Variants in ZNF471 observed in about 807,000 individuals in gnomAD.
The protein encoded by ZNF471 is zinc finger protein 471.
Under a neutral mutation model 13.7 loss-of-function variants are expected in ZNF471, and 7 were observed. That is an observed-to-expected ratio of 0.51 (90% CI 0.29 to 0.96). ZNF471 has a LOEUF of 0.96. Ranked by LOEUF, ZNF471 falls within the 40% of genes least tolerant of loss-of-function variation. ZNF471 has a pLI of 0.08. For missense variants in ZNF471, 663 were observed against 743.3 expected (o/e 0.89, Z 1.26); for synonymous variants, 218 against 235.6 (o/e 0.93, Z 0.68).
intron 3 of ZNF471, among the ~76,000 whole-genome samples, chr19:56,517,298 ATTTTTTTTTT>A (rs57499065): frequency 1.0e-5 from 1 of 100,414 alleles, no homozygotes; most frequent in Non-Finnish European, 1.9e-5. Flanking sequence ...CACCCAGCTA[ATTTTTTTTTT>A]TTTTTTTTTT....
At position 56,525,784 on chromosome 19, in the gene ZNF471, T is replaced by C. The variant is rs1287569696; in HGVS notation, c.1717T>C (p.Cys573Arg). Residue 573 changes from cysteine to arginine, a missense_variant, in exon 5 of 5, where the codon TGT becomes CGT. Physicochemically the swap from Cys to Arg is radical, Grantham distance 180. Coordinates refer to ENST00000308031, the MANE Select transcript of ZNF471 (RefSeq NM_020813.4). ...TCATACTGGAGAGAAACCCTATAAA[T>C]GTACTGAATGTGGAAAGGCTTTTAG... Reference protein sequence around the residue: ...RIHTGEKPYKCTECGKAFSDS... With the variant: ...RIHTGEKPYKRTECGKAFSDS... The C allele has an allele frequency of 6.2e-7, 1 of 1,614,138 alleles. No homozygotes were observed. Among genetic ancestry groups the C allele is most frequent in the Non-Finnish European group, 8.5e-7 (1 of 1,180,016 alleles).
rs2043986460 is a variant in ZNF471, at chr19:56,522,445, A to G, written c.257-1879A>G. ...TTTTTTGTTGGTCTTGTCTTCCTAA[A>G]TTACTTTCTAAACTTTTCAAGAACA... On this transcript the variant is annotated intron_variant, in intron 4 of 4. Transcript: ENST00000308031. The surrounding 1 kb of genome is among the most constrained non-coding windows in gnomAD (Gnocchi z 4.1). Among the ~76,000 whole-genome samples, 1 of 152,196 alleles carries G rather than the reference A, an allele frequency of 6.6e-6. No individual in the cohort carries two copies. The highest frequency in any genetic ancestry group is 2.4e-5 in the African/African-American group (1 of 41,442).
rs967277593 is a variant in ZNF471, at chr19:56,529,420, G to A, written c.*3472G>A. 6.6e-6 allele frequency: 1 copy of A among 152,142 alleles called. No homozygotes were observed. Among genetic ancestry groups the A allele is most frequent in the Non-Finnish European group, 1.5e-5 (1 of 68,040 alleles). 9.4% of individuals were successfully genotyped at this position (152,142 alleles called of 1,614,324 possible). A position where few individuals can be genotyped will look rare whatever the true frequency, so the allele number is the denominator to read the frequency against. On this transcript the variant is annotated 3_prime_UTR_variant, in exon 5 of 5. Transcript: ENST00000308031. ...GAGTATTTCTGTGCCTTTAGGTTCA[G>A]GAGGTCTTTGATAAGCAGGACAAGG...
In ZNF471 at chr19:56,524,832, A is replaced by C. The variant is rs1600523215; in HGVS notation, c.765A>C (p.Thr255=). 9 of 1,612,742 alleles carry C rather than the reference A, an allele frequency of 5.6e-6. No individual in the cohort carries two copies. In the East Asian group the frequency reaches 2.0e-4, roughly 36 times the overall value. Residue 255 remains threonine (T), a synonymous_variant, in exon 5 of 5, where the codon ACA becomes ACC. Transcript: ENST00000308031. The surrounding 1 kb of genome is among the most constrained non-coding windows in gnomAD (Gnocchi z 4.8). The stretch of plus-strand genomic sequence containing the variant: ...AACACCTTGCTCAACATCACAGAAC[A>C]CATACTGGAGAGAAACTCTTTGAAT... ...QRQHLAQHHR[T]HTGEKLFECK...
chr19:56,510,568 C>T lies in ZNF471; in HGVS notation c.-55-949C>T. On this transcript the variant is annotated intron_variant, in intron 1 of 4. Transcript: ENST00000308031. The surrounding 1 kb of genome is among the most constrained non-coding windows in gnomAD (Gnocchi z 4.3). Reference sequence around the variant, plus strand: ...GTGTGCTTATATTCATGTCCTCAGGCAATGGAAATGTGACTGTGTATATGT... The same window carrying T: ...GTGTGCTTATATTCATGTCCTCAGGTAATGGAAATGTGACTGTGTATATGT... 1 of 985,584 alleles carries T rather than the reference C, an allele frequency of 1.0e-6. No individual in the cohort carries two copies. Among genetic ancestry groups the T allele is most frequent in the Non-Finnish European group, 1.2e-6 (1 of 829,964 alleles). The allele number at this position is 985,584 out of a possible 1,614,324, so 61.1% of individuals were successfully genotyped here. A position where few individuals can be genotyped will look rare whatever the true frequency, so the allele number is the denominator to read the frequency against.
chr19:56,509,385 C>A (rs12978999), intron 1 of ZNF471, among the ~76,000 whole-genome samples: 35,843 of 152,208 alleles, frequency 0.24, 4,436 homozygotes, highest in Middle Eastern at 0.26. Context: ...TCTTCACCTG[C>A]ATCCTTTGTA....
At chr19:56,509,581 C>T (rs1457560689) in intron 1 of ZNF471, among the ~76,000 whole-genome samples, 1 of 152,168 alleles carries the variant, frequency 6.6e-6, no homozygotes, top group Non-Finnish European at 1.5e-5. Context: ...AGCCCTCAAC[C>T]TGTGGGATCT....
At position 56,528,317 on chromosome 19, in the gene ZNF471, A is replaced by T. The variant is rs2044071700; in HGVS notation, c.*2369A>T. On this transcript the variant is annotated 3_prime_UTR_variant, in exon 5 of 5. Coordinates refer to ENST00000308031, the MANE Select transcript of ZNF471 (RefSeq NM_020813.4). ...CTAAGTGCTTAGTAAATGTTAGATAAGTATTCTCCAGAATTGATGTAAATT... is the reference window on the plus strand; with the variant it reads ...CTAAGTGCTTAGTAAATGTTAGATATGTATTCTCCAGAATTGATGTAAATT... The T allele has an allele frequency of 6.6e-6, 1 of 152,228 alleles. No homozygotes were observed. Among genetic ancestry groups the T allele is most frequent in the Admixed American group, 6.5e-5 (1 of 15,288 alleles). The allele number at this position is 152,228 out of a possible 1,614,324, so 9.4% of individuals were successfully genotyped here. A position where few individuals can be genotyped will look rare whatever the true frequency, so the allele number is the denominator to read the frequency against.
At chr19:56,521,536 G>A (rs557125743) in intron 4 of ZNF471, among the ~76,000 whole-genome samples, 15 of 149,194 alleles carry the variant, frequency 1.0e-4, no homozygotes, top group African/African-American at 3.0e-4. Context: ...CTACTCGAGA[G>A]GCTGAGGCAG....
In ZNF471 at chr19:56,522,098, A is replaced by C. The variant is rs1350526888; in HGVS notation, c.257-2226A>C. On this transcript the variant is annotated intron_variant, in intron 4 of 4. Transcript: ENST00000308031. The surrounding 1 kb of genome is among the most constrained non-coding windows in gnomAD (Gnocchi z 4.1). ...GCTTGTAGACCAGGAGCAGTAGGCC[A>C]TATAGCCTAAGTGTGCAGCAGGCTA... 6.6e-6 allele frequency among the ~76,000 whole-genome samples: 1 copy of C among 152,226 alleles called. No individual in the cohort carries two copies. The highest frequency in any genetic ancestry group is 2.1e-4 in the South Asian group (1 of 4,828).
At position 56,525,160 on chromosome 19, in the gene ZNF471, T is replaced by TG; in HGVS notation, c.1095dup (p.Arg366GlufsTer11). On this transcript the variant is annotated frameshift_variant, in exon 5 of 5. Transcript: ENST00000308031. LOFTEE classifies it low-confidence loss of function (END_TRUNC). Reference sequence around the variant, plus strand: ...GTATAACACATCTTTTATTCGTCACTGGAGGAGTTATCATACTGGAGAGAA... The same window carrying TG: ...GTATAACACATCTTTTATTCGTCACTGGGAGGAGTTATCATACTGGAGAGAA... 6.2e-7 allele frequency: 1 copy of TG among 1,614,160 alleles called. No homozygotes were observed. Among genetic ancestry groups the TG allele is most frequent in the Non-Finnish European group, 8.5e-7 (1 of 1,180,006 alleles).
rs577100644 is a variant in ZNF471, at chr19:56,529,458, G to A, written c.*3510G>A. ...AAGCAGGACAAGGTCCAGAAGCCAT[G>A]AAGAGAGAATGACAGGACTGTGTAG... is the stretch of plus-strand genomic sequence containing the variant. On this transcript the variant is annotated 3_prime_UTR_variant, in exon 5 of 5. Coordinates refer to ENST00000308031, the MANE Select transcript of ZNF471 (RefSeq NM_020813.4). 6.6e-6 allele frequency: 1 copy of A among 152,330 alleles called. No individual in the cohort carries two copies. Among genetic ancestry groups the A allele is most frequent in the South Asian group, 2.1e-4 (1 of 4,822 alleles). 9.4% of individuals were successfully genotyped at this position (152,330 alleles called of 1,614,324 possible). A position where few individuals can be genotyped will look rare whatever the true frequency, so the allele number is the denominator to read the frequency against.
In ZNF471 at chr19:56,508,028, C is replaced by G. The variant is rs1229758422; in HGVS notation, c.-56+108C>G. On this transcript the variant is annotated intron_variant, in intron 1 of 4. Transcript: ENST00000308031. This position sits in a 1 kb window ranked among gnomAD's most constrained non-coding sequence, Gnocchi z 4.7. ...GCGAAGGCCCAGCCGCGTCCTCTGT[C>G]CCCAGGACGACTACATTTCCCAGAG... 1.0e-6 allele frequency: 1 copy of G among 985,556 alleles called. No homozygotes were observed. Among genetic ancestry groups the G allele is most frequent in the African/African-American group, 1.7e-5 (1 of 57,264 alleles). The allele number at this position is 985,556 out of a possible 1,614,324, so 61.1% of individuals were successfully genotyped here.
chr19:56,521,997 G>A (rs2147924069), intron 4 of ZNF471, among the ~76,000 whole-genome samples: 1 of 152,176 alleles, frequency 6.6e-6, no homozygotes, highest in South Asian at 2.1e-4. Flanking sequence ...CCTTCTTTAT[G>A]TTTGTATATG....
At chr19:56,511,472 C>G in intron 1 of ZNF471, 45 bp from the exon 2 acceptor site, 1 of 1,431,122 alleles carries the variant, frequency 7.0e-7, no homozygotes, top group Non-Finnish European at 9.6e-7. Flanking sequence ...TCTGGGAGTG[C>G]AGCATCTCTG....
intron 1 of ZNF471, 63 bp from the exon 2 acceptor site, chr19:56,511,449 TTAGGC>T: frequency 8.0e-7 from 1 of 1,248,574 alleles, no homozygotes; most frequent in Non-Finnish European, 1.1e-6. Context: ...GAAGACAGTT[TTAGGC>T]TAGTGATTCT....
rs769214522 is a variant in ZNF471, at chr19:56,518,549, G to A, written c.228G>A (p.Thr76=). 23 of 1,613,360 alleles carry A rather than the reference G, an allele frequency of 1.4e-5. No individual in the cohort carries two copies. Among genetic ancestry groups the A allele is most frequent in the East Asian group, 4.5e-5 (2 of 44,832 alleles). Residue 76 remains threonine (T), a synonymous_variant, in exon 4 of 5, where the codon ACG becomes ACA. Coordinates refer to ENST00000308031, the MANE Select transcript of ZNF471 (RefSeq NM_020813.4). ...LEQGREPWEM[T]SEMTRSPFSD... is the part of the protein sequence containing the mutation. ...AAGGGAGAGAGCCTTGGGAGATGACGAGTGAGATGACAAGAAGCCCATTCT... is the reference window on the plus strand; with the variant it reads ...AAGGGAGAGAGCCTTGGGAGATGACAAGTGAGATGACAAGAAGCCCATTCT...
At position 56,516,237 on chromosome 19, in the gene ZNF471, C is replaced by G. The variant is rs10419939; in HGVS notation, c.34-38C>G. 6 of 1,603,402 alleles carry G rather than the reference C, an allele frequency of 3.7e-6. No individual in the cohort carries two copies. Among genetic ancestry groups the G allele is most frequent in the Non-Finnish European group, 4.3e-6 (5 of 1,173,120 alleles). On this transcript the variant is annotated intron_variant, in intron 2 of 4. Transcript: ENST00000308031. This position sits in a 1 kb window ranked among gnomAD's most constrained non-coding sequence, Gnocchi z 4.4. ...ATCAACTCAGAGTTATCTTTGGACA[C>G]GAGCATTGGTTGGTTAAGAATATAT... is the stretch of plus-strand genomic sequence containing the variant.
Position 56,514,146 on chromosome 19 carries a change from C to G in ZNF471, c.34-2129C>G, listed in dbSNP as rs980187799. On this transcript the variant is annotated intron_variant, in intron 2 of 4. Coordinates refer to ENST00000308031, the MANE Select transcript of ZNF471 (RefSeq NM_020813.4). ...TGGCAGGATCATAGCACACTATAAC[C>G]TGCCTCTCCAGTTCAAGCAATTCTC... Among the ~76,000 whole-genome samples the G allele has an allele frequency of 5.3e-5, 8 of 149,606 alleles. No individual in the cohort carries two copies. In the East Asian group the frequency reaches 1.2e-3, roughly 22 times the overall value.
Sources: gnomAD v4.1 joint callset for allele counts (sites outside exome capture counted in the v4.1 genomes callset) on GRCh38, gnomAD v4.1.1 for gene constraint, Gnocchi (gnomAD v3.1) non-coding constraint, MANE v1.5 for transcripts, NCBI Gene and HGNC (gene_info 2026-07-23, HGNC 2026-07-21) for gene names.